Variants in SYNE2 observed in about 807,000 individuals in gnomAD.
SYNE2 encodes the protein spectrin repeat containing nuclear envelope protein 2, also known as nesprin-2.
A neutral mutation model predicts 856.3 loss-of-function variants in SYNE2; 431 were observed. The ratio of observed to expected loss-of-function variants is 0.50; its 90% CI spans 0.47 to 0.55. The LOEUF is 0.55. SYNE2 is among the 20% of genes least tolerant of loss of function. SYNE2 has a pLI of 0.00. For missense variants in SYNE2, 8,129 were observed against 8,023.2 expected (o/e 1.01, Z -0.50); for synonymous variants, 2,923 against 2,872.3 (o/e 1.02, Z -0.56).
At chr14:63,872,921 C>T (rs1319014453) in intron 1 of SYNE2, among the ~76,000 whole-genome samples, 3 of 152,014 alleles carry the variant, frequency 2.0e-5, no homozygotes, top group Non-Finnish European at 4.4e-5. Context: ...GTTTAATATT[C>T]CATTGTATTA....
intron 1 of SYNE2, among the ~76,000 whole-genome samples, chr14:63,874,366 G>A (rs1233499862): frequency 6.6e-6 from 1 of 152,114 alleles, no homozygotes; most frequent in Admixed American, 6.6e-5. Flanking sequence ...CTCCCTGCCT[G>A]CCCTCTGCTC....
At chr14:63,793,434 T>C (rs762672477) in intron 1 of SYNE2, among the ~76,000 whole-genome samples, 1 of 152,198 alleles carries the variant, frequency 6.6e-6, no homozygotes, top group Non-Finnish European at 1.5e-5. Context: ...CAGTTCCATT[T>C]CTACTGTCGA....
At chr14:63,914,433 CT>C (rs1485195917) in intron 2 of SYNE2, among the ~76,000 whole-genome samples, 1 of 152,124 alleles carries the variant, frequency 6.6e-6, no homozygotes, top group Non-Finnish European at 1.5e-5. Flanking sequence ...CCTATTGTGT[CT>C]TAAGAGTGAC....
intron 98 of SYNE2, among the ~76,000 whole-genome samples, chr14:64,189,460 C>T (rs576520197): frequency 1.3e-5 from 2 of 152,286 alleles, no homozygotes; most frequent in African/African-American, 2.4e-5. Flanking sequence ...TCACCTAAAA[C>T]ACCACCCAGT....
chr14:63,823,956 T>C (rs888947924), intron 1 of SYNE2, among the ~76,000 whole-genome samples: 2 of 152,020 alleles, frequency 1.3e-5, no homozygotes, highest in Non-Finnish European at 2.9e-5. Context: ...GGTTAGTGGA[T>C]ACAAAAAAAT....
At chr14:64,194,599 C>T (rs569614037) in intron 99 of SYNE2, among the ~76,000 whole-genome samples, 1 of 152,320 alleles carries the variant, frequency 6.6e-6, no homozygotes, top group East Asian at 1.9e-4. Flanking sequence ...GCCACCTGCA[C>T]CCAGCCTTTG....
chr14:64,032,720 G>C (rs557578138), intron 45 of SYNE2, among the ~76,000 whole-genome samples: 6 of 152,254 alleles, frequency 3.9e-5, no homozygotes, highest in Admixed American at 3.9e-4. Context: ...TTACAGGCAT[G>C]TGCCACCACG....
In SYNE2 at chr14:63,964,011, T is replaced by A; in HGVS notation, c.990+11T>A. The A allele has an allele frequency of 6.8e-7, 1 of 1,470,686 alleles. No homozygotes were observed. 91.1% of individuals were successfully genotyped at this position (1,470,686 alleles called of 1,614,324 possible). A position where few individuals can be genotyped will look rare whatever the true frequency, so the allele number is the denominator to read the frequency against. On this transcript the variant is annotated intron_variant, in intron 10 of 115. Transcript: ENST00000555002. ...TTTAAAAAGTATAATGTAAGTATGA[T>A]TTTAAACAGCTGTTTGTAATTTACC...
Position 63,961,643 on chromosome 14 carries a change from T to C in SYNE2, c.888+18T>C, listed in dbSNP as rs1237235458. The C allele has an allele frequency of 7.7e-6, 12 of 1,556,012 alleles. No individual in the cohort carries two copies. In the East Asian group the frequency reaches 2.0e-4, roughly 26 times the overall value. On this transcript the variant is annotated intron_variant, in intron 9 of 115. Transcript: ENST00000555002. Reference sequence around the variant, plus strand: ...AGGCTCAGGTATGTTTTCATATGCATAAATCAAGCTCATTTTAGTTGTATC... The same window carrying C: ...AGGCTCAGGTATGTTTTCATATGCACAAATCAAGCTCATTTTAGTTGTATC...
Position 64,224,484 on chromosome 14 carries a change from C to G in SYNE2, c.20406C>G (p.Ser6802Arg). 1 of 1,614,008 alleles carries G rather than the reference C, an allele frequency of 6.2e-7. No individual in the cohort carries two copies. Among genetic ancestry groups the G allele is most frequent in the East Asian group, 2.2e-5 (1 of 44,888 alleles). The change falls in exon 114 of 116, where the codon AGC (serine) becomes AGG (arginine). Residue 6802 changes from serine (S) to arginine (R), a missense_variant. This residue lies in a region of SYNE2 where 5,410 missense variants were observed against 5,284.8 expected (regional missense o/e 1.02). Transcript: ENST00000555002. ...AGAACCCAGCCTCACCCCTGCCCAG[C>G]TTCGACGAGGTAGACTCGGGGGACC... ...GTQNPASPLP[S>R]FDEVDSGDQP...
At chr14:64,014,928 CT>C (rs1567054597) in intron 32 of SYNE2, among the ~76,000 whole-genome samples, 17 of 51,850 alleles carry the variant, frequency 3.3e-4, no homozygotes, top group Non-Finnish European at 6.3e-4. Flanking sequence ...TGTATAATTC[CT>C]TATATATATA....
intron 11 of SYNE2, among the ~76,000 whole-genome samples, chr14:63,972,198 G>A (rs1025834296): frequency 1.4e-4 from 21 of 152,202 alleles, no homozygotes; most frequent in African/African-American, 5.1e-4. Context: ...GGACTCTTGT[G>A]AAGGATAAGA....
chr14:64,210,514 C>G (rs563292641), intron 103 of SYNE2, among the ~76,000 whole-genome samples: 17 of 152,330 alleles, frequency 1.1e-4, no homozygotes, highest in South Asian at 6.2e-4. Context: ...GGACCCCCCC[C>G]AGCTCTCGCA....
chr14:64,070,455 C>T (rs1469043662), intron 51 of SYNE2, among the ~76,000 whole-genome samples, 190 bp from the exon 52 acceptor site: 5 of 152,198 alleles, frequency 3.3e-5, no homozygotes, highest in Admixed American at 2.6e-4. Flanking sequence ...CACACATCTA[C>T]ATGAGCAATA....
chr14:63,885,871 G>T (rs113808047), intron 1 of SYNE2, among the ~76,000 whole-genome samples: 1 of 152,196 alleles, frequency 6.6e-6, no homozygotes, highest in Admixed American at 6.5e-5. Flanking sequence ...CAGGGTCATC[G>T]AGATGAAGGA....
At chr14:63,896,943 A>C (rs539034960) in intron 1 of SYNE2, among the ~76,000 whole-genome samples, 15 of 152,172 alleles carry the variant, frequency 9.9e-5, no homozygotes, top group Admixed American at 8.5e-4. Flanking sequence ...ATATGTGTTC[A>C]TGCGTGTGTT....
intron 110 of SYNE2, 39 bp from the exon 111 acceptor site, chr14:64,220,398 T>C: frequency 1.2e-6 from 2 of 1,612,276 alleles, no homozygotes; most frequent in Non-Finnish European, 1.7e-6. Flanking sequence ...TCCTCCCTAC[T>C]TTCAGAGCTC....
At chr14:64,172,593 C>T (rs1217616494) in intron 94 of SYNE2, among the ~76,000 whole-genome samples, 3 of 152,136 alleles carry the variant, frequency 2.0e-5, no homozygotes, top group African/African-American at 7.2e-5. Flanking sequence ...CTGCCACACT[C>T]TAACAATGAA....
At chr14:64,206,427 G>T (rs1015469188) in intron 100 of SYNE2, among the ~76,000 whole-genome samples, 2 of 151,890 alleles carry the variant, frequency 1.3e-5, no homozygotes, top group African/African-American at 2.4e-5. Context: ...TAAATGGTCT[G>T]CATTTTAAAA....
Sources: gnomAD v4.1 joint callset for allele counts (sites outside exome capture counted in the v4.1 genomes callset) on GRCh38, gnomAD v4.1.1 for gene constraint, gnomAD v4.1.1 regional missense constraint, MANE v1.5 for transcripts, NCBI Gene and HGNC (gene_info 2026-07-23, HGNC 2026-07-21) for gene names.